HECA: variants seen among roughly 807,000 people sequenced by gnomAD.
HECA encodes the protein HECA ribonucleoprotein granule regulator, also known as headcase protein homolog.
Under a neutral mutation model 37.6 loss-of-function variants are expected in HECA, and 13 were observed. That is an observed-to-expected ratio of 0.35 (90% confidence interval 0.23 to 0.55). HECA has a LOEUF of 0.55. Ranked by LOEUF, HECA falls within the 20% of genes least tolerant of loss-of-function variation. The pLI is 0.90. For synonymous variants in HECA, 307 were observed against 291.5 expected, an observed-to-expected ratio of 1.05 and a Z score of -0.54; for missense variants, 527 against 701.9, an observed-to-expected ratio of 0.75 and a Z score of 2.82.
intron 1 of HECA, chr6:139,152,996 A>G (rs1392708166): frequency 2.0e-5 from 3 of 152,186 alleles, no homozygotes; most frequent in African/African-American, 2.4e-5. Flanking sequence ...CCTAATTTCC[A>G]TGTTACAGCC....
intron 2 of HECA, chr6:139,170,459 G>T (rs1229924856): frequency 6.6e-6 from 1 of 152,180 alleles, no homozygotes; most frequent in Non-Finnish European, 1.5e-5. Flanking sequence ...ACTTTGGCTT[G>T]GTTCGTAAAA....
At chr6:139,146,473 A>G (rs1774584434) in intron 1 of HECA, among the ~76,000 whole-genome samples, 1 of 152,248 alleles carries the variant, frequency 6.6e-6, no homozygotes, top group African/African-American at 2.4e-5. Flanking sequence ...AGTATAACAC[A>G]ACTTCTTATT....
intron 1 of HECA, among the ~76,000 whole-genome samples, chr6:139,148,087 A>T (rs1774607397): frequency 6.6e-6 from 1 of 151,768 alleles, no homozygotes; most frequent in Non-Finnish European, 1.5e-5. Context: ...GATCATTTGT[A>T]TTTTTTTCTT....
At position 139,144,226 on chromosome 6, in the gene HECA, C is replaced by A. The variant is rs193019591; in HGVS notation, c.271+8559C>A. 3.9e-5 allele frequency: 6 copies of A among 152,298 alleles called. No individual in the cohort carries two copies. The East Asian group carries it at 1.2e-3, about 29-fold the overall frequency. 9.4% of individuals were successfully genotyped at this position (152,298 alleles called of 1,614,324 possible). On this transcript the variant is annotated intron_variant, in intron 1 of 3. Transcript: ENST00000367658. ...CCATTTACTACATATTTATTATGCA[C>A]CTACTATCTCCTATGACTGAGAAGT...
At chr6:139,167,402 G>A in intron 2 of HECA, 78 bp downstream of exon 2, 1 of 1,227,366 alleles carries the variant, frequency 8.1e-7, no homozygotes. Context: ...GCTCTATTTT[G>A]GTGTAGTTTT....
chr6:139,154,526 A>T (rs1774690292), intron 1 of HECA, among the ~76,000 whole-genome samples: 1 of 152,208 alleles, frequency 6.6e-6, no homozygotes, highest in African/African-American at 2.4e-5. Context: ...GGGAGTTGTG[A>T]GTTGTATTTT....
intron 1 of HECA, among the ~76,000 whole-genome samples, chr6:139,137,969 A>G (rs1176800461): frequency 2.0e-5 from 3 of 152,126 alleles, no homozygotes; most frequent in East Asian, 1.9e-4. Flanking sequence ...GAGTGAGCCA[A>G]ATTTTATGAT....
chr6:139,146,147 A>T (rs1032968304), intron 1 of HECA, among the ~76,000 whole-genome samples: 3 of 152,130 alleles, frequency 2.0e-5, no homozygotes, highest in African/African-American at 7.2e-5. Context: ...ATTTCATTTT[A>T]TTGGAAATTC....
Position 139,135,684 on chromosome 6 carries a change from G to T in HECA, c.271+17G>T. 1 of 977,774 alleles carries T rather than the reference G, an allele frequency of 1.0e-6. No homozygotes were observed. Among genetic ancestry groups the T allele is most frequent in the Non-Finnish European group, 1.2e-6 (1 of 821,970 alleles). The allele number at this position is 977,774 out of a possible 1,614,324, so 60.6% of individuals were successfully genotyped here. ...CCAAAAACGGTAAGACGGGGCTGGCGGGGCGAGCGCCAACTTCCTCCCCGA... is the reference window on the plus strand; with the variant it reads ...CCAAAAACGGTAAGACGGGGCTGGCTGGGCGAGCGCCAACTTCCTCCCCGA... On this transcript the variant is annotated intron_variant, in intron 1 of 3. Transcript: ENST00000367658.
At chr6:139,138,332 T>G (rs1315943063) in intron 1 of HECA, among the ~76,000 whole-genome samples, 2 of 152,220 alleles carry the variant, frequency 1.3e-5, no homozygotes, top group African/African-American at 2.4e-5. Flanking sequence ...AATTTTTTAC[T>G]TAACTGTGAC....
At chr6:139,150,315 T>C (rs970400392) in intron 1 of HECA, among the ~76,000 whole-genome samples, 1 of 152,162 alleles carries the variant, frequency 6.6e-6, no homozygotes, top group Non-Finnish European at 1.5e-5. Flanking sequence ...TTATATTTCT[T>C]GGGGTTAGGC....
intron 1 of HECA, 46 bp downstream of exon 1, chr6:139,135,713 G>A (rs1774425828): frequency 1.4e-5 from 13 of 921,446 alleles, no homozygotes; most frequent in Non-Finnish European, 1.7e-5. Context: ...TCCCCGACGG[G>A]GACGGCGCGG....
intron 1 of HECA, among the ~76,000 whole-genome samples, chr6:139,152,242 G>C (rs887592835): frequency 6.6e-6 from 1 of 152,162 alleles, no homozygotes; most frequent in Non-Finnish European, 1.5e-5. Flanking sequence ...GTCAGAGCCA[G>C]AATGGAAATA....
chr6:139,153,887 T>C (rs564164229), intron 1 of HECA, among the ~76,000 whole-genome samples: 1 of 152,022 alleles, frequency 6.6e-6, no homozygotes, highest in Non-Finnish European at 1.5e-5. Flanking sequence ...TTTATTAAGA[T>C]GGACTTCTGA....
At position 139,177,131 on chromosome 6, in the gene HECA, A is replaced by G. The variant is rs1775063544; in HGVS notation, c.*26A>G. On this transcript the variant is annotated 3_prime_UTR_variant, in exon 4 of 4. Coordinates refer to ENST00000367658, the MANE Select transcript of HECA (RefSeq NM_016217.3). This position sits in a 1 kb window ranked among gnomAD's most constrained non-coding sequence, Gnocchi z 4.9. ...TGAAAGCTTTGCTTTAGTAATAGCT[A>G]TTTTATTGATATTATTACTTTATTA... The G allele has an allele frequency of 2.4e-6, 2 of 817,834 alleles. No homozygotes were observed. The highest frequency in any genetic ancestry group is 4.3e-6 in the Non-Finnish European group (2 of 464,952). The allele number at this position is 817,834 out of a possible 1,614,324, so 50.7% of individuals were successfully genotyped here. A position where few individuals can be genotyped will look rare whatever the true frequency, so the allele number is the denominator to read the frequency against.
rs1774420911 is a variant in HECA, at chr6:139,135,532, G to A, written c.136G>A (p.Ala46Thr). The change falls in exon 1 of 4, where the codon GCG (alanine) becomes ACG (threonine). Residue 46 changes from alanine to threonine, a missense_variant. Ala to Thr is a moderately conservative substitution (Grantham distance 58). Coordinates refer to ENST00000367658, the MANE Select transcript of HECA (RefSeq NM_016217.3). ...AGAAAGGALA[A>T]AAGCGAAAAG... is the part of the protein sequence containing the mutation. ...AGCGGCGGCCGGGGGGGCCCTGGCG[G>A]CGGCGGCCGGTTGCGGGGCGGCGGC... 10 of 984,638 alleles carry A rather than the reference G, an allele frequency of 1.0e-5. No individual in the cohort carries two copies. Among genetic ancestry groups the A allele is most frequent in the Admixed American group, 1.3e-4 (2 of 15,812 alleles). 61.0% of individuals were successfully genotyped at this position (984,638 alleles called of 1,614,324 possible). A position where few individuals can be genotyped will look rare whatever the true frequency, so the allele number is the denominator to read the frequency against.
rs531755458 is a variant in HECA, at chr6:139,163,534, A to G, written c.272-2750A>G. Among the ~76,000 whole-genome samples the G allele has an allele frequency of 5.3e-5, 8 of 151,970 alleles. No homozygotes were observed. In the South Asian group the frequency reaches 1.7e-3, roughly 32 times the overall value. ...ACACCCAGCTAATTTTTGTATTTTTAGTAGAGATGGGGTTTCATCATGTTG... is the reference window on the plus strand; with the variant it reads ...ACACCCAGCTAATTTTTGTATTTTTGGTAGAGATGGGGTTTCATCATGTTG... On this transcript the variant is annotated intron_variant, in intron 1 of 3. Transcript: ENST00000367658.
At chr6:139,135,708 G>A in intron 1 of HECA, 41 bp downstream of exon 1, 1 of 938,292 alleles carries the variant, frequency 1.1e-6, no homozygotes, top group East Asian at 9.9e-5. Context: ...CTTCCTCCCC[G>A]ACGGGGACGG....
intron 1 of HECA, among the ~76,000 whole-genome samples, chr6:139,157,491 TAGA>T (rs942359804): frequency 6.6e-6 from 1 of 152,230 alleles, no homozygotes; most frequent in Non-Finnish European, 1.5e-5. Flanking sequence ...TTCATGGGGT[TAGA>T]AGAAGATAAT....
Sources: allele counts gnomAD v4.1 joint callset (sites outside exome capture counted in the v4.1 genomes callset), GRCh38; gene constraint gnomAD v4.1.1; non-coding constraint Gnocchi (gnomAD v3.1); transcripts MANE v1.5; gene names NCBI Gene and HGNC (gene_info 2026-07-23, HGNC 2026-07-21).